Variants in SNX30 observed in about 807,000 individuals in gnomAD.
The protein encoded by SNX30 is sorting nexin family member 30.
Under a neutral mutation model 46.4 loss-of-function variants are expected in SNX30, and 24 were observed. That is an observed-to-expected ratio of 0.52 (90% CI 0.37 to 0.73). The LOEUF (loss-of-function observed/expected upper bound fraction) is 0.73. SNX30 is among the 30% of genes least tolerant of loss of function. The pLI is 0.00. For missense variants in SNX30, 533 were observed against 555.7 expected (o/e 0.96, Z 0.41); for synonymous variants, 189 against 211.5 (o/e 0.89, Z 0.92).
Position 112,874,043 on chromosome 9 carries a change from T to A in SNX30, c.*5200T>A, listed in dbSNP as rs1841485058. On this transcript the variant is annotated 3_prime_UTR_variant, in exon 9 of 9. Coordinates refer to ENST00000374232, the MANE Select transcript of SNX30 (RefSeq NM_001012994.2). ...AGTAGGTGACACCCAGCAACACCCCTGTTGGACAGGATTGATTGTTCGCAG... is the reference window on the plus strand; with the variant it reads ...AGTAGGTGACACCCAGCAACACCCCAGTTGGACAGGATTGATTGTTCGCAG... 6.6e-6 allele frequency: 1 copy of A among 152,246 alleles called. No individual in the cohort carries two copies. The highest frequency in any genetic ancestry group is 2.4e-5 in the African/African-American group (1 of 41,464). The allele number at this position is 152,246 out of a possible 1,614,324, so 9.4% of individuals were successfully genotyped here. A position where few individuals can be genotyped will look rare whatever the true frequency, so the allele number is the denominator to read the frequency against.
In SNX30 at chr9:112,789,626, C is replaced by T. The variant is rs973102471; in HGVS notation, c.157-15150C>T. ...GAACAGGAATTGTGTATGGTAAATG[C>T]AGCTGAGAGTTGGGGAAAATCTTGG... On this transcript the variant is annotated intron_variant, in intron 1 of 8. Coordinates refer to ENST00000374232, the MANE Select transcript of SNX30 (RefSeq NM_001012994.2). Among the ~76,000 whole-genome samples the T allele has an allele frequency of 2.2e-4, 34 of 152,292 alleles. 1 individual carries two copies. Among genetic ancestry groups the T allele is most frequent in the African/African-American group, 7.9e-4 (33 of 41,548 alleles).
chr9:112,866,363 C>G, intron 8 of SNX30: 1 of 445,824 alleles, frequency 2.2e-6, no homozygotes, highest in Admixed American at 2.6e-5. Context: ...GCTTGGAAAA[C>G]ATATATTCCA....
At chr9:112,858,408 G>A (rs1375626646) in intron 7 of SNX30, among the ~76,000 whole-genome samples, 5 of 152,214 alleles carry the variant, frequency 3.3e-5, no homozygotes, top group East Asian at 1.9e-4. Flanking sequence ...ACAGCTACTC[G>A]GGAGGCTGAG....
chr9:112,791,319 T>C (rs1840016448), intron 1 of SNX30, among the ~76,000 whole-genome samples: 1 of 151,798 alleles, frequency 6.6e-6, no homozygotes, highest in Non-Finnish European at 1.5e-5. Context: ...TTTTCTCATC[T>C]AGCTTCGTTC....
At chr9:112,820,034 T>G (rs991634794) in intron 3 of SNX30, among the ~76,000 whole-genome samples, 1 of 152,154 alleles carries the variant, frequency 6.6e-6, no homozygotes, top group African/African-American at 2.4e-5. Context: ...GCCTGTGAGG[T>G]TGATACTGGA....
chr9:112,819,558 C>G (rs970910524), intron 3 of SNX30, among the ~76,000 whole-genome samples: 3 of 152,278 alleles, frequency 2.0e-5, no homozygotes, highest in African/African-American at 4.8e-5. Context: ...TGAGCCACCA[C>G]GCCCGGCCCA....
At chr9:112,827,163 C>T (rs1233739285) in intron 3 of SNX30, among the ~76,000 whole-genome samples, 1 of 152,186 alleles carries the variant, frequency 6.6e-6, no homozygotes, top group East Asian at 1.9e-4. Context: ...CACTGGATGT[C>T]CCTGAAGATT....
rs1284754366 is a variant in SNX30, at chr9:112,864,388, T to G, written c.1243T>G (p.Tyr415Asp). ...GGGGATGGCTGACAAGAACATCCAG[T>G]ATTATGAGAAGGTAATGAGTGTGCC... ...LMGMADKNIQ[Y>D]YEKCLMAWES... The change falls in exon 8 of 9, where the codon TAT (tyrosine) becomes GAT (aspartate). Residue 415 changes from tyrosine (Y) to aspartate (D), a missense_variant. Around this residue, in one of 3 missense-constraint regions of SNX30, gnomAD observed 261 missense variants for 270.9 expected, o/e 0.96. Coordinates refer to ENST00000374232, the MANE Select transcript of SNX30 (RefSeq NM_001012994.2). The G allele has an allele frequency of 6.2e-7, 1 of 1,614,162 alleles. No homozygotes were observed. The highest frequency in any genetic ancestry group is 1.3e-5 in the African/African-American group (1 of 75,038).
intron 3 of SNX30, among the ~76,000 whole-genome samples, chr9:112,823,622 GA>G (rs1840538732): frequency 6.6e-6 from 1 of 152,190 alleles, no homozygotes; most frequent in Non-Finnish European, 1.5e-5. Context: ...TTTTAAGGAA[GA>G]AAGCTTTCTG....
At chr9:112,787,675 A>G (rs1839952388) in intron 1 of SNX30, among the ~76,000 whole-genome samples, 1 of 151,870 alleles carries the variant, frequency 6.6e-6, no homozygotes, top group Non-Finnish European at 1.5e-5. Context: ...GAAGATTGGC[A>G]TTTGCATGTG....
chr9:112,765,269 G>T (rs1489517129), intron 1 of SNX30, among the ~76,000 whole-genome samples: 1 of 152,130 alleles, frequency 6.6e-6, no homozygotes, highest in Admixed American at 6.5e-5. Context: ...ATTTTCTAAG[G>T]CATGTATGCC....
chr9:112,856,316 CTGTGGTGTGTGTGGGGGGTGGGTG>C (rs987900551), intron 7 of SNX30, among the ~76,000 whole-genome samples: 1 of 104,098 alleles, frequency 9.6e-6, no homozygotes, highest in Non-Finnish European at 2.0e-5. Flanking sequence ...GGGGGCTGGC[CTGTGGTGTGTGTGGGGGGTGGGTG>C]TGTGGTGTGT....
chr9:112,762,117 A>G (rs1839445057), intron 1 of SNX30, among the ~76,000 whole-genome samples: 1 of 152,204 alleles, frequency 6.6e-6, no homozygotes, highest in Admixed American at 6.5e-5. Flanking sequence ...GGGTTTGTTT[A>G]CTAGACATTA....
At chr9:112,863,045 T>C (rs528727451) in intron 7 of SNX30, among the ~76,000 whole-genome samples, 20 of 152,324 alleles carry the variant, frequency 1.3e-4, no homozygotes, top group African/African-American at 3.6e-4. Context: ...GCCTTGGCCA[T>C]GTCTCTTCCC....
chr9:112,865,781 A>G (rs1044824516), intron 8 of SNX30, among the ~76,000 whole-genome samples: 1 of 150,460 alleles, frequency 6.6e-6, no homozygotes, highest in Non-Finnish European at 1.5e-5. Context: ...GTATGTATAT[A>G]TATATATATA....
At chr9:112,813,192 G>C (rs1212307180) in intron 2 of SNX30, among the ~76,000 whole-genome samples, 1 of 152,034 alleles carries the variant, frequency 6.6e-6, no homozygotes, top group African/African-American at 2.4e-5. Context: ...CCCTGGTTGT[G>C]GTGGCTCATG....
chr9:112,822,787 T>A (rs1187487486), intron 3 of SNX30, among the ~76,000 whole-genome samples: 2 of 152,164 alleles, frequency 1.3e-5, no homozygotes, highest in Non-Finnish European at 2.9e-5. Context: ...TGTGATGAAA[T>A]CTCATGCAGT....
rs56856142 is a variant in SNX30 at position 112,817,401 on chromosome 9, C to CTTTTTTTTTTTTTTT, written c.349-288_349-274dup. 9.7e-3 allele frequency among the ~76,000 whole-genome samples: 452 copies of CTTTTTTTTTTTTTTT among 46,830 alleles called. 104 individuals are homozygous for CTTTTTTTTTTTTTTT. Among genetic ancestry groups the CTTTTTTTTTTTTTTT allele is most frequent in the Middle Eastern group, 0.024 (1 of 42 alleles). 30.7% of individuals were successfully genotyped at this position (46,830 alleles called of 152,430 possible). The stretch of plus-strand genomic sequence containing the variant: ...CGGTAGGGAAAAAAAAAAAAACTGG[C>CTTTTTTTTTTTTTTT]TTTTTTTTTTTTTTTTTTTTTTTTT... On this transcript the variant is annotated intron_variant, in intron 2 of 8. Transcript: ENST00000374232.
In SNX30 at chr9:112,858,254, G is replaced by C. The variant is rs796443631; in HGVS notation, c.1102-5993G>C. 2.7e-4 allele frequency among the ~76,000 whole-genome samples: 41 copies of C among 152,294 alleles called. 1 individual carries two copies. The highest frequency in any genetic ancestry group is 9.6e-4 in the African/African-American group (40 of 41,554). The stretch of plus-strand genomic sequence containing the variant: ...ATGCTGAGGGTGGTGGCCCACACCT[G>C]TTATTATCTCAGCACTCTGGGAGGC... On this transcript the variant is annotated intron_variant, in intron 7 of 8. Coordinates refer to ENST00000374232, the MANE Select transcript of SNX30 (RefSeq NM_001012994.2).
Sources: gnomAD v4.1 joint callset for allele counts (sites outside exome capture counted in the v4.1 genomes callset) on GRCh38, gnomAD v4.1.1 for gene constraint, gnomAD v4.1.1 regional missense constraint, MANE v1.5 for transcripts, NCBI Gene and HGNC (gene_info 2026-07-23, HGNC 2026-07-21) for gene names.